The following RELT variants were observed in gnomAD, a reference collection of about 807,000 sequenced individuals.
RELT encodes the protein tumor necrosis factor receptor superfamily member 19L.
Under a neutral mutation model 51.1 loss-of-function variants are expected in RELT, and 37 were observed. That is an observed-to-expected ratio of 0.72 (90% confidence interval 0.56 to 0.95). The LOEUF is 0.95. Among genes scored for constraint, RELT ranks in the 40% least tolerant of loss-of-function variants. The pLI is 0.00. For synonymous variants in RELT, 241 were observed against 235.7 expected, an observed-to-expected ratio of 1.02 and a Z score of -0.21; for missense variants, 535 against 572.6, an observed-to-expected ratio of 0.93 and a Z score of 0.67.
chr11:73,381,245 A>G (rs1866045807), intron 1 of RELT, among the ~76,000 whole-genome samples: 1 of 152,184 alleles, frequency 6.6e-6, no homozygotes, highest in South Asian at 2.1e-4. Flanking sequence ...GTTGTCACAG[A>G]CAGAGGGGGA....
chr11:73,393,896 C>T lies in RELT; in HGVS notation c.685C>T (p.Arg229Cys), dbSNP rs142249583. Residue 229 changes from arginine (R) to cysteine (C), a missense_variant, in exon 7 of 11, where the codon CGC becomes TGC. Transcript: ENST00000064780. ...TGAGGACACCATTGGGGTCCTGGTGCGCTTGATCACAGAGAAGAAAGGTGA... is the reference window on the plus strand; with the variant it reads ...TGAGGACACCATTGGGGTCCTGGTGTGCTTGATCACAGAGAAGAAAGGTGA... The part of the protein sequence containing the change: ...ANEDTIGVLV[R>C]LITEKKENAA... The T allele has an allele frequency of 3.1e-6, 5 of 1,613,768 alleles. No individual in the cohort carries two copies. The highest frequency in any genetic ancestry group is 2.7e-5 in the African/African-American group (2 of 74,888).
chr11:73,386,392 T>C (rs1866124195), intron 1 of RELT, among the ~76,000 whole-genome samples: 1 of 152,154 alleles, frequency 6.6e-6, no homozygotes, highest in Admixed American at 6.5e-5. Context: ...TCTAACTGTT[T>C]TTTTGGTCAC....
Position 73,381,472 on chromosome 11 carries a change from C to A in RELT, c.-26+4973C>A, listed in dbSNP as rs538641559. 4.2e-4 allele frequency among the ~76,000 whole-genome samples: 64 copies of A among 152,304 alleles called. 1 individual carries two copies. Among genetic ancestry groups the A allele is most frequent in the African/African-American group, 1.5e-3 (62 of 41,562 alleles). On this transcript the variant is annotated intron_variant, in intron 1 of 10. Transcript: ENST00000064780. ...CCTCCCTCCCTCAAGGAGCCTCACCCCTTCTCGAGGAATCAAGGGAGACTG... is the reference window on the plus strand; with the variant it reads ...CCTCCCTCCCTCAAGGAGCCTCACCACTTCTCGAGGAATCAAGGGAGACTG...
intron 1 of RELT, among the ~76,000 whole-genome samples, chr11:73,384,961 C>T (rs543193500): frequency 6.6e-6 from 1 of 151,890 alleles, no homozygotes; most frequent in South Asian, 2.1e-4. Flanking sequence ...GAGCAGAAAG[C>T]AGGTGCAGCG....
In RELT at chr11:73,394,586, CAGA is replaced by C. The variant is rs1866277772; in HGVS notation, c.904_906del (p.Lys302del). 4.3e-6 allele frequency: 7 copies of C among 1,613,130 alleles called. No individual in the cohort carries two copies. The highest frequency in any genetic ancestry group is 2.7e-5 in the African/African-American group (2 of 75,052). On this transcript the variant is annotated inframe_deletion, in exon 9 of 11. Coordinates refer to ENST00000064780, the MANE Select transcript of RELT (RefSeq NM_152222.2). This position sits in a 1 kb window ranked among gnomAD's most constrained non-coding sequence, Gnocchi z 4.9. Reference sequence around the variant, plus strand: ...TGGCCCCTGCTGCTCCCGCTGTAGCCAGAAGAAGTGGCCCGAGGTGCTGCTGTC... The same window carrying C: ...TGGCCCCTGCTGCTCCCGCTGTAGCCAGAAGTGGCCCGAGGTGCTGCTGTC...
intron 1 of RELT, among the ~76,000 whole-genome samples, chr11:73,387,194 C>T (rs181928155): frequency 6.6e-6 from 1 of 152,190 alleles, no homozygotes; most frequent in Admixed American, 6.5e-5. Context: ...CCACCTGCCT[C>T]TGCCTCCCAA....
chr11:73,392,939 G>A (rs1239077358), intron 6 of RELT: 1 of 1,013,596 alleles, frequency 9.9e-7, no homozygotes, highest in East Asian at 9.2e-5. Flanking sequence ...TACAAGGCCT[G>A]GAACCGGAGG....
At chr11:73,389,782 C>T (rs1397777356) in intron 2 of RELT, among the ~76,000 whole-genome samples, 1 of 152,188 alleles carries the variant, frequency 6.6e-6, no homozygotes, top group African/African-American at 2.4e-5. Flanking sequence ...CCAGCCTTAG[C>T]AGGTGCTGGG....
intron 2 of RELT, among the ~76,000 whole-genome samples, 162 bp downstream of exon 2, chr11:73,389,343 TG>T (rs1441624610): frequency 1.3e-5 from 2 of 152,192 alleles, no homozygotes; most frequent in Non-Finnish European, 2.9e-5. Flanking sequence ...GAAGCACCTC[TG>T]GGCCCACCCA....
Position 73,394,082 on chromosome 11 carries a change from T to A in RELT, c.707-154T>A, listed in dbSNP as rs1866265454. ...TGACCCAGGAGTGCACACCTCTGCC[T>A]CCCATTCTTGCCTGATGAAGTGGGA... On this transcript the variant is annotated intron_variant, in intron 7 of 10. Coordinates refer to ENST00000064780, the MANE Select transcript of RELT (RefSeq NM_152222.2). This position sits in a 1 kb window ranked among gnomAD's most constrained non-coding sequence, Gnocchi z 4.9. The A allele has an allele frequency of 3.2e-6, 3 of 946,202 alleles. No individual in the cohort carries two copies. The highest frequency in any genetic ancestry group is 2.1e-5 in the Admixed American group (1 of 48,586). The allele number at this position is 946,202 out of a possible 1,614,324, so 58.6% of individuals were successfully genotyped here.
At chr11:73,386,700 C>T (rs561301481) in intron 1 of RELT, among the ~76,000 whole-genome samples, 1 of 152,358 alleles carries the variant, frequency 6.6e-6, no homozygotes, top group African/African-American at 2.4e-5. Flanking sequence ...CGCTTTCTTC[C>T]TGGAAGGTTC....
intron 5 of RELT, chr11:73,391,863 G>A: frequency 2.3e-6 from 1 of 428,694 alleles, no homozygotes; most frequent in South Asian, 2.7e-5. Context: ...GTCACCCCCT[G>A]AGGCACTAGA....
intron 6 of RELT, chr11:73,393,092 GA>G (rs1197559648): frequency 1.0e-6 from 1 of 996,742 alleles, no homozygotes; most frequent in African/African-American, 1.7e-5. Flanking sequence ...CCTCAAGAGT[GA>G]AATGGCATCT....
At position 73,395,883 on chromosome 11, in the gene RELT, C is replaced by G. The variant is rs1489124111; in HGVS notation, c.*392C>G. 6.3e-6 allele frequency: 2 copies of G among 317,984 alleles called. No homozygotes were observed. The highest frequency in any genetic ancestry group is 4.2e-5 in the African/African-American group (2 of 47,210). 19.7% of individuals were successfully genotyped at this position (317,984 alleles called of 1,614,324 possible). ...TCCTTGGTAATTAGCCACACCCTTG[C>G]CTCTGTACAGGGCCCTAGAGCAGAT... On this transcript the variant is annotated 3_prime_UTR_variant, in exon 11 of 11. Transcript: ENST00000064780.
Position 73,390,588 on chromosome 11 carries a change from C to T in RELT, c.83C>T (p.Thr28Ile), listed in dbSNP as rs1379595258. ...PWPLATLTST[T>I]LWQCPPGEEP... ...CCTCTCGCCACCCTGACATCAACAA[C>T]CCTTTGGCAGTGCCCACCTGGGGAG... Residue 28 changes from threonine (T) to isoleucine (I), a missense_variant, in exon 3 of 11, where the codon ACC becomes ATC. Transcript: ENST00000064780. 6.2e-6 allele frequency: 10 copies of T among 1,613,938 alleles called. No individual in the cohort carries two copies. Among genetic ancestry groups the T allele is most frequent in the Non-Finnish European group, 5.1e-6 (6 of 1,180,012 alleles).
chr11:73,395,434 T>A lies in RELT; in HGVS notation c.1246-10T>A, dbSNP rs1345585286. 1 of 905,684 alleles carries A rather than the reference T, an allele frequency of 1.1e-6. No individual in the cohort carries two copies. The highest frequency in any genetic ancestry group is 2.4e-5 in the East Asian group (1 of 41,820). The allele number at this position is 905,684 out of a possible 1,614,324, so 56.1% of individuals were successfully genotyped here. On this transcript the variant is annotated splice_polypyrimidine_tract_variant and intron_variant, in intron 10 of 10. Transcript: ENST00000064780. ...TGACTCAGCTCTGACCCCTCACCCC[T>A]GCCCACCAGGAGAACCGCTATGTGG...
intron 1 of RELT, among the ~76,000 whole-genome samples, chr11:73,382,622 T>G (rs151151500): frequency 1.5e-3 from 229 of 152,260 alleles, no homozygotes; most frequent in Middle Eastern, 0.01. Context: ...TTGCCCCTAC[T>G]CCAGGGTAGG....
At chr11:73,391,122 G>A in intron 4 of RELT, 22 bp from the exon 5 acceptor site, 1 of 1,610,716 alleles carries the variant, frequency 6.2e-7, no homozygotes, top group Non-Finnish European at 8.5e-7. Flanking sequence ...CTGGGCCTCA[G>A]TGGTATCTTC....
chr11:73,393,043 G>T lies in RELT; in HGVS notation c.625+575G>T, dbSNP rs11235734. 1.1e-5 allele frequency: 11 copies of T among 998,650 alleles called. No homozygotes were observed. The African/African-American group carries it at 1.9e-4, about 17-fold the overall frequency. 61.9% of individuals were successfully genotyped at this position (998,650 alleles called of 1,614,324 possible). On this transcript the variant is annotated intron_variant, in intron 6 of 10. Transcript: ENST00000064780. ...TCCCCTGCAGGGCAGGGGCCCACTCGCACACACCCTGCCCTGGGCCCATGG... is the reference window on the plus strand; with the variant it reads ...TCCCCTGCAGGGCAGGGGCCCACTCTCACACACCCTGCCCTGGGCCCATGG...
Sources: gnomAD v4.1 joint callset for allele counts (sites outside exome capture counted in the v4.1 genomes callset) on GRCh38, gnomAD v4.1.1 for gene constraint, Gnocchi (gnomAD v3.1) non-coding constraint, MANE v1.5 for transcripts, NCBI Gene and HGNC (gene_info 2026-07-23, HGNC 2026-07-21) for gene names.